DIAPH3: variants seen among roughly 807,000 people sequenced by gnomAD.
DIAPH3 encodes the protein diaphanous related formin 3, also known as protein diaphanous homolog 3.
DIAPH3 carries 117 observed loss-of-function variants against 144.3 expected under a neutral mutation model. The observed-to-expected ratio is 0.81, with a 90% CI of 0.70 to 0.95. DIAPH3 has a LOEUF of 0.95. Ranked by LOEUF, DIAPH3 falls within the 40% of genes least tolerant of loss-of-function variation. The pLI is 0.00. For synonymous variants in DIAPH3, 519 were observed against 488.9 expected (o/e 1.06, Z -0.81); for missense variants, 1,421 against 1,412.7 (o/e 1.01, Z -0.09).
At chr13:59,708,668 A>G (rs1292324403) in intron 27 of DIAPH3, among the ~76,000 whole-genome samples, 1 of 151,820 alleles carries the variant, frequency 6.6e-6, no homozygotes, top group African/African-American at 2.4e-5. Context: ...CCTTGAATAC[A>G]TTAACTCTCA....
chr13:59,783,790 CCT>C (rs1435893457), intron 25 of DIAPH3, among the ~76,000 whole-genome samples: 1 of 152,128 alleles, frequency 6.6e-6, no homozygotes, highest in Non-Finnish European at 1.5e-5. Context: ...CAGTAGGGTG[CCT>C]GGCTCATATT....
intron 5 of DIAPH3, among the ~76,000 whole-genome samples, chr13:60,040,977 C>T (rs936742829): frequency 5.3e-5 from 8 of 152,078 alleles, no homozygotes; most frequent in Admixed American, 2.0e-4. Flanking sequence ...CCATGCCTGG[C>T]TAATTTTTGT....
intron 2 of DIAPH3, among the ~76,000 whole-genome samples, chr13:60,118,746 C>T (rs2058759943): frequency 6.6e-6 from 1 of 152,190 alleles, no homozygotes; most frequent in African/African-American, 2.4e-5. Flanking sequence ...TGTGTTACCA[C>T]AACTAAGCTA....
chr13:60,035,783 T>C (rs1475902262), intron 5 of DIAPH3, among the ~76,000 whole-genome samples: 1 of 152,184 alleles, frequency 6.6e-6, no homozygotes, highest in Non-Finnish European at 1.5e-5. Flanking sequence ...TGACTTCTTA[T>C]TGGAAAGTAA....
At chr13:59,670,219 T>C (rs1284623077) in intron 27 of DIAPH3, among the ~76,000 whole-genome samples, 1 of 152,192 alleles carries the variant, frequency 6.6e-6, no homozygotes, top group African/African-American at 2.4e-5. Flanking sequence ...TGAGGAATCT[T>C]TCATGAGAAG....
intron 5 of DIAPH3, 145 bp downstream of exon 5, chr13:60,042,545 T>C: frequency 1.0e-6 from 1 of 991,014 alleles, no homozygotes; most frequent in Non-Finnish European, 1.5e-6. Context: ...ATTGAGACTA[T>C]ATTTCTTCCT....
At chr13:60,020,705 T>A (rs1464858704) in intron 5 of DIAPH3, among the ~76,000 whole-genome samples, 1 of 152,234 alleles carries the variant, frequency 6.6e-6, no homozygotes, top group Admixed American at 6.5e-5. Flanking sequence ...TTCTTGATAC[T>A]GCACTAGGTA....
chr13:60,133,198 A>G (rs1472602878), intron 1 of DIAPH3, among the ~76,000 whole-genome samples: 2 of 152,086 alleles, frequency 1.3e-5, no homozygotes, highest in African/African-American at 4.8e-5. Context: ...CCAAACACTT[A>G]CTAAAATTTT....
At chr13:59,742,600 A>G (rs2036515350) in intron 27 of DIAPH3, among the ~76,000 whole-genome samples, 1 of 151,998 alleles carries the variant, frequency 6.6e-6, no homozygotes. Flanking sequence ...GAGAAAAGAA[A>G]AGAAAGAAAA....
chr13:60,102,556 GC>G (rs2058301786), intron 3 of DIAPH3, among the ~76,000 whole-genome samples: 1 of 152,160 alleles, frequency 6.6e-6, no homozygotes, highest in South Asian at 2.1e-4. Flanking sequence ...AGATGATACA[GC>G]CCCAGACTAG....
At chr13:59,909,139 A>G (rs2046872997) in intron 20 of DIAPH3, among the ~76,000 whole-genome samples, 1 of 152,196 alleles carries the variant, frequency 6.6e-6, no homozygotes, top group Admixed American at 6.5e-5. Flanking sequence ...TTAAAAATGA[A>G]ACATTATTAT....
At chr13:60,138,477 A>T (rs1238501544) in intron 1 of DIAPH3, among the ~76,000 whole-genome samples, 1 of 152,210 alleles carries the variant, frequency 6.6e-6, no homozygotes, top group African/African-American at 2.4e-5. Context: ...TATTTCAAAG[A>T]AGTGAAAACA....
intron 3 of DIAPH3, among the ~76,000 whole-genome samples, chr13:60,098,875 G>A (rs2058183449): frequency 6.6e-6 from 1 of 151,978 alleles, no homozygotes; most frequent in Non-Finnish European, 1.5e-5. Context: ...ATACTGAACA[G>A]GAAATACAAA....
intron 1 of DIAPH3, among the ~76,000 whole-genome samples, chr13:60,159,963 C>G (rs374662517): frequency 6.6e-6 from 1 of 152,108 alleles, no homozygotes; most frequent in Admixed American, 6.5e-5. Flanking sequence ...CGGTGGCTCA[C>G]GCCTGTAATC....
intron 27 of DIAPH3, among the ~76,000 whole-genome samples, chr13:59,741,469 G>GC (rs2036443496): frequency 6.6e-6 from 1 of 152,098 alleles, no homozygotes; most frequent in Admixed American, 6.6e-5. Context: ...CAGTAAGAAA[G>GC]TGGGGGGCCA....
At chr13:60,128,393 T>C (rs1191145386) in intron 2 of DIAPH3, among the ~76,000 whole-genome samples, 1 of 152,206 alleles carries the variant, frequency 6.6e-6, no homozygotes, top group Non-Finnish European at 1.5e-5. Context: ...GTCTTTATGG[T>C]AGAAAATTTT....
rs754257756 is a variant in DIAPH3 at position 59,971,185 on chromosome 13, A to C, written c.1651-25T>G. The C allele has an allele frequency of 9.7e-6, 15 of 1,550,472 alleles. No individual in the cohort carries two copies. In the Admixed American group the frequency reaches 2.5e-4, roughly 26 times the overall value. On this transcript the variant is annotated intron_variant, in intron 15 of 27. Coordinates refer to ENST00000400324, the MANE Select transcript of DIAPH3 (RefSeq NM_001042517.2). ...ACTGGAGAAAAAAACAATAAGAGAC[A>C]TAACTAAGAACATATCTACAAAACA...
At chr13:59,886,393 T>C (rs966710478) in intron 20 of DIAPH3, among the ~76,000 whole-genome samples, 20 of 152,248 alleles carry the variant, frequency 1.3e-4, no homozygotes, top group Admixed American at 1.1e-3. Context: ...GTTAAATCAG[T>C]AGTTTAGGTC....
intron 4 of DIAPH3, among the ~76,000 whole-genome samples, chr13:60,057,852 A>C (rs1186023747): frequency 6.6e-6 from 1 of 151,968 alleles, no homozygotes; most frequent in Non-Finnish European, 1.5e-5. Context: ...ATGTAGAAGA[A>C]TAAAACTGGA....
Sources: gnomAD v4.1 joint callset for allele counts (sites outside exome capture counted in the v4.1 genomes callset) on GRCh38, gnomAD v4.1.1 for gene constraint, MANE v1.5 for transcripts, NCBI Gene and HGNC (gene_info 2026-07-23, HGNC 2026-07-21) for gene names.